Variants in GCNA observed in about 807,000 individuals in gnomAD.
GCNA encodes the protein germ cell nuclear acidic peptidase.
A neutral mutation model predicts 38.8 loss-of-function variants in GCNA; 3 were observed. The ratio of observed to expected loss-of-function variants is 0.08; its 90% confidence interval spans 0.04 to 0.20. The LOEUF is 0.20. Among genes scored for constraint, GCNA ranks in the 10% least tolerant of loss-of-function variants. GCNA has a pLI of 1.00. For synonymous variants in GCNA, 195 were observed against 240.2 expected (o/e 0.81, Z 1.74); for missense variants, 446 against 578.6 (o/e 0.77, Z 2.35).
chrX:71,604,967 C>T (rs188186707), intron 8 of GCNA, among the ~76,000 whole-genome samples: 58 of 112,340 alleles, frequency 5.2e-4, no homozygotes, highest in African/African-American at 1.7e-3. Flanking sequence ...AGGAAATTAT[C>T]TCTTCCTCTA....
rs759803971 is a variant in GCNA, at chrX:71,592,695, G to T, written c.140+125G>T. On this transcript the variant is annotated intron_variant, in intron 4 of 12. Transcript: ENST00000373696. Reference sequence around the variant, plus strand: ...ACATTTCCTCTGTGGACACTCTGTGGTTCTCAGCAGGATCATGATGGCTGT... The same window carrying T: ...ACATTTCCTCTGTGGACACTCTGTGTTTCTCAGCAGGATCATGATGGCTGT... 61 of 333,013 alleles carry T rather than the reference G, an allele frequency of 1.8e-4. No individual in the cohort carries two copies. In the Middle Eastern group the frequency reaches 4.3e-3, roughly 23 times the overall value. 27.4% of individuals were successfully genotyped at this position (333,013 alleles called of 1,213,427 possible). A position where few individuals can be genotyped will look rare whatever the true frequency, so the allele number is the denominator to read the frequency against.
chrX:71,584,837 C>T (rs1422044388), intron 2 of GCNA, among the ~76,000 whole-genome samples: 2 of 110,773 alleles, frequency 1.8e-5, no homozygotes, highest in Non-Finnish European at 3.8e-5. Flanking sequence ...CACTGCACTC[C>T]AGCCTGGGTG....
chrX:71,594,018 T>G (rs940105220), intron 4 of GCNA, among the ~76,000 whole-genome samples: 6 of 111,763 alleles, frequency 5.4e-5, no homozygotes, highest in Non-Finnish European at 1.1e-4. Context: ...GCCTGGCGTC[T>G]CTTTCATACC....
At chrX:71,601,436 T>C (rs1472066669) in intron 7 of GCNA, among the ~76,000 whole-genome samples, 2 of 112,080 alleles carry the variant, frequency 1.8e-5, no homozygotes, top group Non-Finnish European at 3.8e-5. Flanking sequence ...GTTCCATCCA[T>C]GTTGTTGCAA....
intron 6 of GCNA, among the ~76,000 whole-genome samples, chrX:71,597,495 G>A (rs1241681882): frequency 9.0e-6 from 1 of 110,675 alleles, no homozygotes; most frequent in South Asian, 3.9e-4. Flanking sequence ...TCAAGAGGGT[G>A]GTGCTGGTTT....
At chrX:71,579,318 G>A (rs2040527708) in intron 1 of GCNA, among the ~76,000 whole-genome samples, 1 of 97,717 alleles carries the variant, frequency 1.0e-5, no homozygotes, top group South Asian at 5.3e-4. Context: ...GGTGGCGTTG[G>A]TGGCATAGGA....
chrX:71,610,637 C>T, intron 10 of GCNA, 44 bp from the exon 11 acceptor site: 1 of 1,191,657 alleles, frequency 8.4e-7, no homozygotes, highest in Non-Finnish European at 1.1e-6. Context: ...ACAAAAAAAC[C>T]CAAAACAGCT....
At chrX:71,582,322 AG>A (rs1235950112) in intron 2 of GCNA, among the ~76,000 whole-genome samples, 1 of 110,319 alleles carries the variant, frequency 9.1e-6, no homozygotes, top group African/African-American at 3.3e-5. Context: ...TCATTAAATA[AG>A]TGATAAGTTT....
intron 8 of GCNA, among the ~76,000 whole-genome samples, chrX:71,605,103 C>T (rs781434975): frequency 1.1e-4 from 12 of 112,244 alleles, no homozygotes; most frequent in Non-Finnish European, 2.1e-4. Context: ...TACCCCGTCC[C>T]GGTAGACTGT....
In GCNA at chrX:71,604,222, C is replaced by T. The variant is rs147470042; in HGVS notation, c.945C>T (p.Pro315=). The change falls in exon 8 of 13, where the codon CCC becomes CCT. Residue 315 remains proline, a synonymous_variant. Transcript: ENST00000373696. Reference sequence around the variant, plus strand: ...ACAAGAGTGATGATTCGGATGTTCCCGAAGACAAGAGTGATGATTCGGATG... The same window carrying T: ...ACAAGAGTGATGATTCGGATGTTCCTGAAGACAAGAGTGATGATTCGGATG... The part of the protein sequence containing the change: ...PDDKSDDSDV[P]EDKSDDSDVP... 5 of 1,211,382 alleles carry T rather than the reference C, an allele frequency of 4.1e-6. No individual in the cohort carries two copies. Among genetic ancestry groups the T allele is most frequent in the East Asian group, 3.0e-5 (1 of 33,831 alleles).
In GCNA at chrX:71,592,139, A is replaced by G. The variant is rs2147716905; in HGVS notation, c.77A>G (p.Gln26Arg). Residue 26 changes from glutamine (Q) to arginine (R), a missense_variant, in exon 3 of 13, where the codon CAG becomes CGG. Around this residue, in one of 7 missense-constraint regions of GCNA, gnomAD observed 25 missense variants for 52.8 expected, o/e 0.47. Coordinates refer to ENST00000373696, the MANE Select transcript of GCNA (RefSeq NM_052957.5). ...TTTTGCAGTTACATCCTTAATGTTCAGTCAAGCAGTGATGACACCAGTGGG... is the reference window on the plus strand; with the variant it reads ...TTTTGCAGTTACATCCTTAATGTTCGGTCAAGCAGTGATGACACCAGTGGG... ...EDEDCYILNV[Q>R]SSSDDTSGSS... 1 of 1,206,683 alleles carries G rather than the reference A, an allele frequency of 8.3e-7. No homozygotes were observed. Among genetic ancestry groups the G allele is most frequent in the Non-Finnish European group, 1.1e-6 (1 of 891,538 alleles).
rs1387706238 is a variant in GCNA, at chrX:71,603,947, G to C, written c.670G>C (p.Val224Leu). 1 of 1,208,826 alleles carries C rather than the reference G, an allele frequency of 8.3e-7. No individual in the cohort carries two copies. The highest frequency in any genetic ancestry group is 1.1e-6 in the Non-Finnish European group (1 of 894,776). The change falls in exon 8 of 13, where the codon GTT becomes CTT. Residue 224 changes from valine (V) to leucine (L), a missense_variant. Physicochemically the swap from Val to Leu is conservative, Grantham distance 32 (BLOSUM62 1). Transcript: ENST00000373696. The stretch of plus-strand genomic sequence containing the variant: ...CGACGACAAGAGTGATGATTCGGAT[G>C]TTCCCGACGACAGCAGTGATGATTC... ...VPDDKSDDSDVPDDSSDDSDV... is the reference protein window; with the variant it reads ...VPDDKSDDSDLPDDSSDDSDV...
chrX:71,613,163 G>A lies in GCNA; in HGVS notation c.*181G>A. 2 of 578,344 alleles carry A rather than the reference G, an allele frequency of 3.5e-6. No homozygotes were observed. The highest frequency in any genetic ancestry group is 2.5e-6 in the Non-Finnish European group (1 of 392,523). The allele number at this position is 578,344 out of a possible 1,213,427, so 47.7% of individuals were successfully genotyped here. A position where few individuals can be genotyped will look rare whatever the true frequency, so the allele number is the denominator to read the frequency against. On this transcript the variant is annotated 3_prime_UTR_variant, in exon 13 of 13. Transcript: ENST00000373696. ...TTTACTGGTAAGAAGTTTTAGAAAA[G>A]TTTGTTTTGTGAAGTTAGGAATATT...
In GCNA at chrX:71,580,850, G is replaced by T. The variant is rs373420187; in HGVS notation, c.29G>T (p.Arg10Leu). MDGCKKELP[R>L]LQEPEEDEDC... The stretch of plus-strand genomic sequence containing the variant: ...GATGGGTGCAAAAAAGAGCTGCCCC[G>T]CTTGCAAGAGCCGGAGGAGGACGAG... The change falls in exon 2 of 13, where the codon CGC becomes CTC. Residue 10 changes from arginine (R) to leucine (L), a missense_variant. By Grantham distance (102) the Arg-to-Leu change is moderately radical. Coordinates refer to ENST00000373696, the MANE Select transcript of GCNA (RefSeq NM_052957.5). 1.3e-5 allele frequency: 16 copies of T among 1,200,569 alleles called. No homozygotes were observed. The highest frequency in any genetic ancestry group is 1.8e-5 in the Non-Finnish European group (16 of 890,031).
Position 71,612,572 on chromosome X carries a change from TCA to T in GCNA, c.1955+14_1955+15del. On this transcript the variant is annotated intron_variant, in intron 12 of 12. Transcript: ENST00000373696. ...GATGCAAAACGAGGTAAGACTCTTC[TCA>T]GACTTTTCCCAGTTACGTTTTGCTG... 8.4e-7 allele frequency: 1 copy of T among 1,193,260 alleles called. No individual in the cohort carries two copies. Among genetic ancestry groups the T allele is most frequent in the Non-Finnish European group, 1.1e-6 (1 of 882,724 alleles).
chrX:71,602,569 T>C (rs2040723937), intron 7 of GCNA, among the ~76,000 whole-genome samples: 1 of 112,471 alleles, frequency 8.9e-6, no homozygotes, highest in Admixed American at 9.4e-5. Context: ...CATTTGTATG[T>C]CTTCTTTTGA....
At chrX:71,579,148 G>A (rs974617936) in intron 1 of GCNA, among the ~76,000 whole-genome samples, 7 of 104,892 alleles carry the variant, frequency 6.7e-5, no homozygotes, top group African/African-American at 2.5e-4. Context: ...GTGGCGGCGC[G>A]GGGAGAAGTG....
Position 71,604,071 on chromosome X carries a change from C to T in GCNA, c.794C>T (p.Pro265Leu), listed in dbSNP as rs375239920. The T allele has an allele frequency of 5.1e-6, 6 of 1,170,219 alleles. No homozygotes were observed. The African/African-American group carries it at 7.3e-5, about 14-fold the overall frequency. Residue 265 changes from proline (P) to leucine (L), a missense_variant, in exon 8 of 13, where the codon CCC (proline) becomes CTC (leucine). Around this residue, in one of 7 missense-constraint regions of GCNA, gnomAD observed 28 missense variants for 77.0 expected, o/e 0.36. Transcript: ENST00000373696. ...PDDSSDDSEA[P>L]DDSSDDSEAP... The stretch of plus-strand genomic sequence containing the variant: ...GACAGCAGTGATGATTCGGAAGCTC[C>T]CGACGACAGCAGTGATGATTCGGAA...
chrX:71,604,092 C>T lies in GCNA; in HGVS notation c.815C>T (p.Ser272Leu), dbSNP rs867425231. The T allele has an allele frequency of 5.8e-6, 7 of 1,201,221 alleles. No individual in the cohort carries two copies. Among genetic ancestry groups the T allele is most frequent in the South Asian group, 5.3e-5 (3 of 56,314 alleles). ...SEAPDDSSDD[S>L]EAPDDSSDDS... ...GCTCCCGACGACAGCAGTGATGATT[C>T]GGAAGCTCCCGACGACAGCAGTGAT... Residue 272 changes from serine to leucine, a missense_variant, in exon 8 of 13, where the codon TCG (serine) becomes TTG (leucine). Physicochemically the swap from Ser to Leu is moderately radical, Grantham distance 145. This residue lies in a region of GCNA where 28 missense variants were observed against 77.0 expected (regional missense o/e 0.36). Coordinates refer to ENST00000373696, the MANE Select transcript of GCNA (RefSeq NM_052957.5).
Sources: allele counts gnomAD v4.1 joint callset (sites outside exome capture counted in the v4.1 genomes callset), GRCh38; gene constraint gnomAD v4.1.1; regional missense constraint gnomAD v4.1.1; transcripts MANE v1.5; gene names NCBI Gene and HGNC (gene_info 2026-07-23, HGNC 2026-07-21).